The following GPC6 variants were observed in gnomAD, a reference collection of about 807,000 sequenced individuals.
GPC6 encodes glypican-6.
In GPC6, 14 loss-of-function variants were observed where a neutral mutation model predicts 55.2. The observed-to-expected ratio is 0.25, with a 90% CI of 0.17 to 0.40. The LOEUF is 0.40. GPC6 is among the 10% of genes least tolerant of loss of function. GPC6 has a pLI of 1.00. For synonymous variants in GPC6, 278 were observed against 259.6 expected, an observed-to-expected ratio of 1.07 and a Z score of -0.68; for missense variants, 641 against 708.5, an observed-to-expected ratio of 0.90 and a Z score of 1.08.
chr13:93,677,321 G>T (rs1009398246), intron 2 of GPC6, among the ~76,000 whole-genome samples: 3 of 151,964 alleles, frequency 2.0e-5, no homozygotes, highest in East Asian at 1.9e-4. Context: ...ATCCCTACAG[G>T]GGATAGTTTC....
At chr13:93,485,292 A>G (rs1566380969) in intron 1 of GPC6, among the ~76,000 whole-genome samples, 1 of 152,208 alleles carries the variant, frequency 6.6e-6, no homozygotes, top group African/African-American at 2.4e-5. Context: ...CGGTGGCATC[A>G]TAAGATTTTG....
chr13:93,236,508 G>A (rs1043850284), intron 1 of GPC6, among the ~76,000 whole-genome samples: 1 of 152,134 alleles, frequency 6.6e-6, no homozygotes, highest in Non-Finnish European at 1.5e-5. Context: ...GTAACAGTAG[G>A]CAAGTGAACA....
At chr13:93,331,893 A>T (rs899426293) in intron 1 of GPC6, among the ~76,000 whole-genome samples, 1 of 152,070 alleles carries the variant, frequency 6.6e-6, no homozygotes, top group Non-Finnish European at 1.5e-5. Flanking sequence ...TCTGGTAAGC[A>T]ACATCCTACT....
At chr13:93,269,116 G>T (rs530684344) in intron 1 of GPC6, among the ~76,000 whole-genome samples, 219 of 152,214 alleles carry the variant, frequency 1.4e-3, no homozygotes, top group African/African-American at 5.1e-3. Context: ...AGAAGAATCA[G>T]GTTAAAGGTA....
At chr13:93,476,771 G>C (rs1328628710) in intron 1 of GPC6, among the ~76,000 whole-genome samples, 1 of 152,078 alleles carries the variant, frequency 6.6e-6, no homozygotes, top group Non-Finnish European at 1.5e-5. Context: ...TAAGATGGCA[G>C]ACCTTTTATT....
chr13:94,186,399 C>A (rs1051726293), intron 4 of GPC6, among the ~76,000 whole-genome samples: 1 of 152,174 alleles, frequency 6.6e-6, no homozygotes, highest in Non-Finnish European at 1.5e-5. Flanking sequence ...CTTTAAATTT[C>A]GTATCATTGT....
At chr13:94,071,779 T>C (rs1884744091) in intron 4 of GPC6, among the ~76,000 whole-genome samples, 1 of 152,244 alleles carries the variant, frequency 6.6e-6, no homozygotes, top group African/African-American at 2.4e-5. Flanking sequence ...GTGAAGTTCA[T>C]GTAAATTTTT....
intron 1 of GPC6, among the ~76,000 whole-genome samples, chr13:93,421,114 G>A (rs1876906424): frequency 6.6e-6 from 1 of 152,094 alleles, no homozygotes; most frequent in African/African-American, 2.4e-5. Context: ...GAAGTATCTG[G>A]CAACTAGAGG....
chr13:93,452,664 C>T (rs1328321570), intron 1 of GPC6, among the ~76,000 whole-genome samples: 1 of 152,134 alleles, frequency 6.6e-6, no homozygotes, highest in African/African-American at 2.4e-5. Context: ...TTAGTCTTAC[C>T]AATTTATTTA....
rs556709920 is a variant in GPC6, at chr13:93,432,287, T to C, written c.161-112976T>C. On this transcript the variant is annotated intron_variant, in intron 1 of 8. Transcript: ENST00000377047. ...CGAGCAACAGTGATGAACAGATCCA[T>C]GTATGACTCTCTCTCCGGCCAACTC... Among the ~76,000 whole-genome samples the C allele has an allele frequency of 2.0e-4, 30 of 152,260 alleles. 1 individual carries two copies. The highest frequency in any genetic ancestry group is 4.0e-4 in the Non-Finnish European group (27 of 68,020).
intron 1 of GPC6, among the ~76,000 whole-genome samples, chr13:93,412,454 G>A (rs966523923): frequency 1.3e-5 from 2 of 152,066 alleles, no homozygotes; most frequent in East Asian, 1.9e-4. Context: ...TCAGGGGTTC[G>A]AGACCAGCCT....
chr13:93,857,391 A>G (rs767681750), intron 3 of GPC6, among the ~76,000 whole-genome samples: 35 of 151,584 alleles, frequency 2.3e-4, no homozygotes, highest in South Asian at 4.1e-4. Flanking sequence ...TTTTGTGCAG[A>G]TGTTATCCAG....
intron 6 of GPC6, among the ~76,000 whole-genome samples, chr13:94,307,123 C>T (rs549045060): frequency 4.6e-5 from 7 of 152,152 alleles, no homozygotes; most frequent in African/African-American, 9.7e-5. Context: ...AAAGTAAGTA[C>T]ATCTCAGCAT....
intron 1 of GPC6, among the ~76,000 whole-genome samples, chr13:93,361,066 G>A (rs1188841397): frequency 2.0e-5 from 3 of 151,986 alleles, no homozygotes; most frequent in Non-Finnish European, 4.4e-5. Flanking sequence ...TTGGTGCTAC[G>A]GATACCTCCT....
intron 3 of GPC6, chr13:93,836,118 A>G (rs1026426622): frequency 6.6e-6 from 1 of 152,220 alleles, no homozygotes; most frequent in Non-Finnish European, 1.5e-5. Flanking sequence ...TTCATTCCCA[A>G]CTAAACAGCT....
intron 3 of GPC6, among the ~76,000 whole-genome samples, chr13:93,906,908 T>C (rs1030715529): frequency 6.6e-6 from 1 of 152,214 alleles, no homozygotes; most frequent in African/African-American, 2.4e-5. Flanking sequence ...GATACATATA[T>C]ATTCTCTCCA....
intron 1 of GPC6, among the ~76,000 whole-genome samples, chr13:93,504,941 C>G (rs1210645457): frequency 1.3e-5 from 2 of 152,132 alleles, no homozygotes; most frequent in East Asian, 3.9e-4. Context: ...TAGTGCTGTT[C>G]TCTTACACAG....
chr13:94,037,434 T>A (rs934912737), intron 4 of GPC6, among the ~76,000 whole-genome samples: 3 of 151,856 alleles, frequency 2.0e-5, no homozygotes, highest in Admixed American at 6.6e-5. Context: ...TAAGCAAGAG[T>A]TATAAGAAAT....
intron 1 of GPC6, among the ~76,000 whole-genome samples, chr13:93,523,509 T>TTGTGTG (rs146065094): frequency 6.6e-6 from 1 of 150,598 alleles, no homozygotes; most frequent in African/African-American, 2.4e-5. Context: ...ATATACATAT[T>TTGTGTG]TGTGTGTGTG....
Sources: allele counts gnomAD v4.1 joint callset (sites outside exome capture counted in the v4.1 genomes callset), GRCh38; gene constraint gnomAD v4.1.1; transcripts MANE v1.5; gene names NCBI Gene and HGNC (gene_info 2026-07-23, HGNC 2026-07-21).